Variants in CALN1 observed in about 807,000 individuals in gnomAD.
CALN1 encodes calcium-binding protein 8.
Under a neutral mutation model 30.6 loss-of-function variants are expected in CALN1, and 17 were observed. The ratio of observed to expected loss-of-function variants is 0.56; its 90% CI spans 0.38 to 0.83. CALN1 has a LOEUF of 0.83. Among genes scored for constraint, CALN1 ranks in the 40% least tolerant of loss-of-function variants. The probability of loss-of-function intolerance (pLI) is 0.00; values close to 1 mark genes in which losing one functional copy is unlikely to be tolerated. For missense variants in CALN1, 291 were observed against 354.9 expected (o/e 0.82, Z 1.45); for synonymous variants, 156 against 131.4 (o/e 1.19, Z -1.28).
chr7:72,259,098 T>TTATA (rs113229295), intron 3 of CALN1, among the ~76,000 whole-genome samples: 5 of 147,654 alleles, frequency 3.4e-5, no homozygotes, highest in Admixed American at 6.8e-5. Context: ...AATATATTAT[T>TTATA]TATATATATA....
At chr7:72,408,782 T>A (rs73133136) in intron 1 of CALN1, among the ~76,000 whole-genome samples, 2,593 of 141,168 alleles carry the variant, frequency 0.018, 46 homozygotes, top group Middle Eastern at 0.078. Context: ...GCTCAAGTGA[T>A]CCTGCCACCT....
At chr7:72,348,971 T>A (rs1802784613) in intron 2 of CALN1, among the ~76,000 whole-genome samples, 1 of 152,156 alleles carries the variant, frequency 6.6e-6, no homozygotes, top group South Asian at 2.1e-4. Flanking sequence ...GCTATTAGGA[T>A]GTTCAAGGAT....
chr7:72,178,919 T>C (rs1789561993), intron 3 of CALN1, among the ~76,000 whole-genome samples: 1 of 152,196 alleles, frequency 6.6e-6, no homozygotes, highest in African/African-American at 2.4e-5. Context: ...TTTTCCGTGT[T>C]TTCAATATTT....
chr7:71,939,326 G>C (rs1002285017), intron 5 of CALN1, among the ~76,000 whole-genome samples: 2 of 151,472 alleles, frequency 1.3e-5, no homozygotes, highest in African/African-American at 2.4e-5. Flanking sequence ...GGGAGGCCGA[G>C]GTGGATGGGT....
At chr7:72,160,689 G>T (rs1030254071) in intron 3 of CALN1, among the ~76,000 whole-genome samples, 1 of 152,148 alleles carries the variant, frequency 6.6e-6, no homozygotes, top group Non-Finnish European at 1.5e-5. Context: ...GTGGGTTCAT[G>T]AATTCAAAGC....
At chr7:72,051,535 C>T (rs1802838471) in intron 4 of CALN1, among the ~76,000 whole-genome samples, 1 of 152,064 alleles carries the variant, frequency 6.6e-6, no homozygotes, top group Non-Finnish European at 1.5e-5. Context: ...GAGAAATAGA[C>T]ACTCCTCATG....
intron 2 of CALN1, among the ~76,000 whole-genome samples, chr7:72,363,204 TG>T (rs918373594): frequency 5.1e-4 from 78 of 152,254 alleles, no homozygotes; most frequent in African/African-American, 1.8e-3. Flanking sequence ...GGCCCCAGTG[TG>T]TGTTGTTCCC....
the CALN1 span, among the ~76,000 whole-genome samples, chr7:72,495,270 C>A: frequency 1.3e-5 from 2 of 152,150 alleles, no homozygotes; most frequent in Non-Finnish European, 2.9e-5. Context: ...TACCCAAATC[C>A]TCCTTGGGCA....
At chr7:72,139,383 C>G (rs1422568448) in intron 3 of CALN1, among the ~76,000 whole-genome samples, 1 of 149,836 alleles carries the variant, frequency 6.7e-6, no homozygotes, top group East Asian at 1.9e-4. Flanking sequence ...CTACTCATCT[C>G]AGCCACGCCC....
intron 2 of CALN1, among the ~76,000 whole-genome samples, chr7:72,367,425 A>G (rs1361009467): frequency 6.6e-6 from 1 of 152,112 alleles, no homozygotes; most frequent in African/African-American, 2.4e-5. Context: ...GGAATTTGAG[A>G]CCAGCCTGGG....
intron 5 of CALN1, among the ~76,000 whole-genome samples, chr7:71,880,434 T>C (rs948367250): frequency 1.3e-5 from 2 of 152,128 alleles, no homozygotes; most frequent in African/African-American, 4.8e-5. Flanking sequence ...AATCCAAGAA[T>C]TGCCCAAGGC....
intron 4 of CALN1, among the ~76,000 whole-genome samples, chr7:72,076,211 T>C (rs374593119): frequency 4.0e-5 from 6 of 151,700 alleles, no homozygotes; most frequent in Admixed American, 2.6e-4. Flanking sequence ...CATGGGTTGA[T>C]AGGTACAGCA....
intron 5 of CALN1, among the ~76,000 whole-genome samples, chr7:71,831,762 C>G (rs1010916673): frequency 6.7e-6 from 1 of 149,318 alleles, no homozygotes; most frequent in Non-Finnish European, 1.5e-5. Context: ...TGTGGCAGCA[C>G]GCACCTGTAG....
chr7:71,984,154 C>A (rs1371813312), intron 5 of CALN1, among the ~76,000 whole-genome samples: 1 of 151,958 alleles, frequency 6.6e-6, no homozygotes, highest in Non-Finnish European at 1.5e-5. Flanking sequence ...GGTGAAACAG[C>A]ACAGATGAGC....
chr7:72,142,789 C>CT (rs1810050460), intron 3 of CALN1, among the ~76,000 whole-genome samples: 2 of 152,120 alleles, frequency 1.3e-5, no homozygotes, highest in Non-Finnish European at 2.9e-5. Context: ...TCCAGAGGAA[C>CT]GATCAGGCAG....
intron 5 of CALN1, among the ~76,000 whole-genome samples, chr7:71,886,708 G>A (rs1331881204): frequency 2.0e-5 from 3 of 151,322 alleles, no homozygotes; most frequent in Non-Finnish European, 4.4e-5. Flanking sequence ...GGGAGGCGGA[G>A]GTTGCAGTGA....
intron 4 of CALN1, among the ~76,000 whole-genome samples, chr7:72,069,798 C>T (rs1043489489): frequency 6.6e-6 from 1 of 152,164 alleles, no homozygotes; most frequent in African/African-American, 2.4e-5. Flanking sequence ...CCCAATCTCC[C>T]TCTATCTTGA....
chr7:71,984,379 C>A (rs148777113), intron 5 of CALN1, among the ~76,000 whole-genome samples: 227 of 152,294 alleles, frequency 1.5e-3, no homozygotes, highest in African/African-American at 4.7e-3. Context: ...ATCTACTCAT[C>A]TCATGAAATA....
intron 4 of CALN1, among the ~76,000 whole-genome samples, chr7:72,101,022 G>A (rs954408794): frequency 1.6e-4 from 25 of 151,786 alleles, no homozygotes; most frequent in Admixed American, 9.2e-4. Flanking sequence ...GGAGTGCAGT[G>A]GCGTGATCTC....
Sources: allele counts gnomAD v4.1 joint callset (sites outside exome capture counted in the v4.1 genomes callset), GRCh38; gene constraint gnomAD v4.1.1; transcripts MANE v1.5; gene names NCBI Gene and HGNC (gene_info 2026-07-23, HGNC 2026-07-21).